Variants in SCOC observed in about 807,000 individuals in gnomAD.
SCOC encodes short coiled coil protein.
Under a neutral mutation model 9.9 loss-of-function variants are expected in SCOC, and 7 were observed. The observed-to-expected ratio is 0.71, with a 90% CI of 0.40 to 1.33. The LOEUF is 1.33. Among genes scored for constraint, SCOC ranks in the 40% most tolerant of loss-of-function variants. The pLI is 0.01. For missense variants in SCOC, 66 were observed against 89.7 expected, an observed-to-expected ratio of 0.74 and a Z score of 1.07; for synonymous variants, 19 against 28.2, an observed-to-expected ratio of 0.67 and a Z score of 1.03.
At position 140,384,978 on chromosome 4, in the gene SCOC, G is replaced by C. The variant is rs1407646458; in HGVS notation, c.*3874G>C. 1 of 152,158 alleles carries C rather than the reference G, an allele frequency of 6.6e-6. No individual in the cohort carries two copies. The allele number at this position is 152,158 out of a possible 1,614,324, so 9.4% of individuals were successfully genotyped here. A position where few individuals can be genotyped will look rare whatever the true frequency, so the allele number is the denominator to read the frequency against. Reference sequence around the variant, plus strand: ...AGACAGCAGTCTGCATCTTGGAAGAGGGCCCTCAACACTGATCTCTCAGAC... The same window carrying C: ...AGACAGCAGTCTGCATCTTGGAAGACGGCCCTCAACACTGATCTCTCAGAC... On this transcript the variant is annotated 3_prime_UTR_variant, in exon 4 of 4. Coordinates refer to ENST00000608372, the MANE Select transcript of SCOC (RefSeq NM_001153484.2).
chr4:140,295,929 T>G (rs1578781934), intron 1 of SCOC, among the ~76,000 whole-genome samples: 1 of 54,596 alleles, frequency 1.8e-5, no homozygotes, highest in East Asian at 6.0e-4. Context: ...AGACTCCGTC[T>G]CAAAAAAAAA....
intron 1 of SCOC, among the ~76,000 whole-genome samples, chr4:140,260,789 G>C (rs74914086): frequency 0.021 from 3,173 of 152,274 alleles, 101 homozygotes; most frequent in African/African-American, 0.072. Flanking sequence ...AGGTGATTCT[G>C]ATGCAGGTGG....
At chr4:140,313,081 G>A (rs1313111462) in intron 1 of SCOC, among the ~76,000 whole-genome samples, 1 of 152,124 alleles carries the variant, frequency 6.6e-6, no homozygotes, top group African/African-American at 2.4e-5. Flanking sequence ...CCATGTGAGA[G>A]GTACTTTAGG....
chr4:140,287,570 C>T lies in SCOC; in HGVS notation c.-19+30160C>T, dbSNP rs944477073. Among the ~76,000 whole-genome samples the T allele has an allele frequency of 2.0e-5, 3 of 151,938 alleles. No individual in the cohort carries two copies. In the East Asian group the frequency reaches 5.8e-4, roughly 29 times the overall value. On this transcript the variant is annotated intron_variant, in intron 1 of 4. Coordinates refer to the SCOC transcript ENST00000394205. ...CATCATGTACACATGCCACACAGACCATGCACATGCATATACCATATATCA... is the reference window on the plus strand; with the variant it reads ...CATCATGTACACATGCCACACAGACTATGCACATGCATATACCATATATCA...
rs1237015576 is a variant in SCOC at position 140,373,656 on chromosome 4, C to G, written c.-112C>G. On this transcript the variant is annotated 5_prime_UTR_variant, in exon 1 of 4. Coordinates refer to ENST00000608372, the MANE Select transcript of SCOC (RefSeq NM_001153484.2). Reference sequence around the variant, plus strand: ...GGCGGAGCTGCCGGGGTCAGTTGGTCCAAGTGTCCCGGCCTGAGGTGTCGG... The same window carrying G: ...GGCGGAGCTGCCGGGGTCAGTTGGTGCAAGTGTCCCGGCCTGAGGTGTCGG... 2 of 1,551,472 alleles carry G rather than the reference C, an allele frequency of 1.3e-6. No individual in the cohort carries two copies. The highest frequency in any genetic ancestry group is 2.4e-5 in the South Asian group (2 of 84,052).
intron 1 of SCOC, among the ~76,000 whole-genome samples, chr4:140,322,018 G>T (rs1396137192): frequency 6.6e-6 from 1 of 152,168 alleles, no homozygotes; most frequent in African/African-American, 2.4e-5. Context: ...GCAGCAAGGA[G>T]CTCTAGCTAG....
intron 1 of SCOC, among the ~76,000 whole-genome samples, chr4:140,279,123 C>A (rs746486027): frequency 2.0e-5 from 3 of 152,146 alleles, no homozygotes; most frequent in Non-Finnish European, 2.9e-5. Flanking sequence ...CACCACAGGG[C>A]CTTTGCACAA....
At chr4:140,319,675 A>G (rs150135312) in intron 1 of SCOC, among the ~76,000 whole-genome samples, 1,690 of 152,278 alleles carry the variant, frequency 0.011, 37 homozygotes, top group South Asian at 0.085. Context: ...GAGAAATTTA[A>G]AATTCTAAAA....
chr4:140,325,778 T>C (rs1466347447), intron 1 of SCOC, among the ~76,000 whole-genome samples: 1 of 152,140 alleles, frequency 6.6e-6, no homozygotes, highest in African/African-American at 2.4e-5. Context: ...GGAAATTTCT[T>C]ATAAAGTTAA....
intron 2 of SCOC, among the ~76,000 whole-genome samples, chr4:140,365,532 G>A (rs4056135): frequency 0.96 from 145,796 of 152,326 alleles, 69,833 homozygotes; most frequent in East Asian, 1. Context: ...AAATGAAAAG[G>A]AGCAAAAAGT....
chr4:140,349,972 C>T (rs1249560752), intron 2 of SCOC, among the ~76,000 whole-genome samples: 1 of 152,226 alleles, frequency 6.6e-6, no homozygotes, highest in Admixed American at 6.5e-5. Flanking sequence ...CCAGCTCTCC[C>T]TATCTTTTCA....
chr4:140,263,134 A>C (rs1333903569), intron 1 of SCOC, among the ~76,000 whole-genome samples: 1 of 152,238 alleles, frequency 6.6e-6, no homozygotes, highest in East Asian at 1.9e-4. Context: ...GTGCATTTGC[A>C]TCTCTTTAAA....
At chr4:140,310,242 G>A (rs781066835) in intron 1 of SCOC, among the ~76,000 whole-genome samples, 1 of 152,152 alleles carries the variant, frequency 6.6e-6, no homozygotes, top group African/African-American at 2.4e-5. Flanking sequence ...AATTCCTACA[G>A]GGCTGGAAGT....
chr4:140,334,354 CT>C (rs2126498826), intron 1 of SCOC, among the ~76,000 whole-genome samples: 1 of 152,246 alleles, frequency 6.6e-6, no homozygotes, highest in Admixed American at 6.5e-5. Flanking sequence ...CTATTTATCA[CT>C]TTATTGCCAA....
At chr4:140,370,723 A>G (rs926918059), upstream of SCOC, among the ~76,000 whole-genome samples, 1 of 152,200 alleles carries the variant, frequency 6.6e-6, no homozygotes, top group African/African-American at 2.4e-5. Flanking sequence ...CTTGATGAAT[A>G]TGCCCCTTTA....
intron 1 of SCOC, among the ~76,000 whole-genome samples, chr4:140,319,292 T>G (rs1732427627): frequency 6.6e-6 from 1 of 152,100 alleles, no homozygotes; most frequent in Non-Finnish European, 1.5e-5. Flanking sequence ...GGTTTCTCCA[T>G]GTTGGTCAGG....
At chr4:140,312,784 C>G (rs1324252804) in intron 1 of SCOC, among the ~76,000 whole-genome samples, 1 of 152,106 alleles carries the variant, frequency 6.6e-6, no homozygotes, top group Non-Finnish European at 1.5e-5. Context: ...ATCCTTAAAT[C>G]TAGGTATTTT....
At chr4:140,336,578 A>C (rs1028952538) in intron 1 of SCOC, among the ~76,000 whole-genome samples, 2 of 152,218 alleles carry the variant, frequency 1.3e-5, no homozygotes, top group African/African-American at 4.8e-5. Context: ...TTACTGCTGA[A>C]TGATATTCCA....
chr4:140,261,211 G>A (rs1350598024), intron 1 of SCOC, among the ~76,000 whole-genome samples: 1 of 152,348 alleles, frequency 6.6e-6, no homozygotes, highest in South Asian at 2.1e-4. Context: ...TCCAGCAGGA[G>A]CAGAGACTTG....
Sources: allele counts gnomAD v4.1 joint callset (sites outside exome capture counted in the v4.1 genomes callset), GRCh38; gene constraint gnomAD v4.1.1; transcripts MANE v1.5; gene names NCBI Gene and HGNC (gene_info 2026-07-23, HGNC 2026-07-21).